Variants in RSRP1 observed in about 807,000 individuals in gnomAD.
RSRP1 encodes the protein arginine/serine-rich protein 1.
RSRP1 carries 37 observed loss-of-function variants against 33.0 expected under a neutral mutation model. The observed-to-expected ratio is 1.12, with a 90% CI of 0.86 to 1.48. RSRP1 has a LOEUF of 1.48. RSRP1 is among the 40% of genes most tolerant of loss of function. The probability of loss-of-function intolerance (pLI) is 0.00; values close to 1 mark genes in which losing one functional copy is unlikely to be tolerated. For synonymous variants in RSRP1, 167 were observed against 158.7 expected (o/e 1.05, Z -0.40); for missense variants, 402 against 385.3 (o/e 1.04, Z -0.36).
rs1477792146 is a variant in RSRP1, at chr1:25,301,110, G to A, written c.-67+36868C>T. ...CCATGCTGGGTAAGGACAAGGTGGGGTGAGTGGTCTCCTACTTGGGCTGAG... is the reference window on the plus strand; with the variant it reads ...CCATGCTGGGTAAGGACAAGGTGGGATGAGTGGTCTCCTACTTGGGCTGAG... On this transcript the variant is annotated intron_variant, in intron 1 of 1. Transcript: ENST00000561867. 2.2e-6 allele frequency: 3 copies of A among 1,374,436 alleles called. No homozygotes were observed. The East Asian group carries it at 6.7e-5, about 31-fold the overall frequency. 85.1% of individuals were successfully genotyped at this position (1,374,436 alleles called of 1,614,324 possible). A position where few individuals can be genotyped will look rare whatever the true frequency, so the allele number is the denominator to read the frequency against.
At chr1:25,284,272 G>T (rs1344731912) in intron 1 of RSRP1, among the ~76,000 whole-genome samples, 1 of 135,852 alleles carries the variant, frequency 7.4e-6, no homozygotes, top group Non-Finnish European at 1.8e-5. Flanking sequence ...CTTATTATTA[G>T]GTTTAATAAT....
At chr1:25,249,470 C>G (rs1639709058), upstream of RSRP1, among the ~76,000 whole-genome samples, 1 of 152,176 alleles carries the variant, frequency 6.6e-6, no homozygotes, top group Non-Finnish European at 1.5e-5. Flanking sequence ...TCCCGAGCAT[C>G]TGGGTTTACA....
intron 1 of RSRP1, chr1:25,321,922 C>T: frequency 7.5e-7 from 1 of 1,335,418 alleles, no homozygotes; most frequent in Non-Finnish European, 1.1e-6. Context: ...TGGAAAGCAC[C>T]TCATGAGGCT....
In RSRP1 at chr1:25,273,681, C is replaced by T. The variant is rs567339332; in HGVS notation, c.-66-26652G>A. Among the ~76,000 whole-genome samples the T allele has an allele frequency of 2.7e-3, 320 of 118,522 alleles. 38 individuals carry two copies. Among genetic ancestry groups the T allele is most frequent in the African/African-American group, 6.6e-3 (230 of 35,092 alleles). 77.8% of individuals were successfully genotyped at this position (118,522 alleles called of 152,430 possible). On this transcript the variant is annotated intron_variant, in intron 1 of 1. Coordinates refer to the RSRP1 transcript ENST00000561867. ...GACAACTGTAAATAAGACAGATGTC[C>T]ACAATGGTGTGACTTTGCTTTTTTA... is the stretch of plus-strand genomic sequence containing the variant.
intron 1 of RSRP1, among the ~76,000 whole-genome samples, chr1:25,262,829 T>C (rs986105520): frequency 3.6e-4 from 55 of 152,300 alleles, no homozygotes; most frequent in African/African-American, 1.3e-3. Context: ...CGTTTTTGTT[T>C]CAAGCCACCT....
In RSRP1 at chr1:25,299,098, C is replaced by T. The variant is rs112387058; in HGVS notation, c.-67+38880G>A. ...AAAAAAAAAAAAAAAAAAAAAAAAACAGGCTGGGAGCAGTGGCTCATGCCT... is the reference window on the plus strand; with the variant it reads ...AAAAAAAAAAAAAAAAAAAAAAAAATAGGCTGGGAGCAGTGGCTCATGCCT... On this transcript the variant is annotated intron_variant, in intron 1 of 1. Transcript: ENST00000561867. Among the ~76,000 whole-genome samples the T allele has an allele frequency of 8.6e-5, 7 of 81,210 alleles. 1 individual carries two copies. Among genetic ancestry groups the T allele is most frequent in the African/African-American group, 1.7e-4 (4 of 23,922 alleles). The allele number at this position is 81,210 out of a possible 152,430, so 53.3% of individuals were successfully genotyped here.
At chr1:25,249,860 C>T (rs1029195297), upstream of RSRP1, among the ~76,000 whole-genome samples, 3 of 152,084 alleles carry the variant, frequency 2.0e-5, no homozygotes, top group Admixed American at 6.6e-5. Flanking sequence ...CATCTAGCAC[C>T]GAATTTGTAG....
chr1:25,312,957 T>TAAAAAAAAAA (rs1491188755), intron 1 of RSRP1, among the ~76,000 whole-genome samples: 6 of 24,426 alleles, frequency 2.5e-4, no homozygotes, highest in Admixed American at 5.3e-4. Flanking sequence ...AAAAAAAAAC[T>TAAAAAAAAAA]TTAGTGCTAT....
rs1392575572 is a variant in RSRP1 at position 25,310,778 on chromosome 1, C to G, written c.-67+27200G>C. Among the ~76,000 whole-genome samples, 4 of 131,970 alleles carry G rather than the reference C, an allele frequency of 3.0e-5. 1 individual carries two copies. The highest frequency in any genetic ancestry group is 7.2e-5 in the Non-Finnish European group (4 of 55,602). The allele number at this position is 131,970 out of a possible 152,430, so 86.6% of individuals were successfully genotyped here. A position where few individuals can be genotyped will look rare whatever the true frequency, so the allele number is the denominator to read the frequency against. ...CCTGAGGTCAGGAGTTCGAGACCAG[C>G]CTAGCTAACATGGTGAAACGCTGTT... On this transcript the variant is annotated intron_variant, in intron 1 of 1. Coordinates refer to the RSRP1 transcript ENST00000561867.
chr1:25,245,333 T>C, intron 2 of RSRP1, 32 bp from the exon 3 acceptor site: 1 of 1,581,172 alleles, frequency 6.3e-7, no homozygotes, highest in Non-Finnish European at 8.6e-7. Context: ...TTTAAAATAC[T>C]CATTAATCTG....
intron 1 of RSRP1, among the ~76,000 whole-genome samples, chr1:25,292,362 C>T (rs1642582441): frequency 1.5e-5 from 2 of 132,350 alleles, no homozygotes; most frequent in Admixed American, 1.5e-4. Context: ...CAGGTGGAGA[C>T]CAGAGCGGCA....
chr1:25,246,558 C>G lies in RSRP1; in HGVS notation c.406G>C (p.Gly136Arg). ...YCGRAYAIAR[G>R]QRYYGFGRTV... is the part of the protein sequence containing the mutation. ...CGACCAAAGCCGTAGTAGCGCTGTC[C>G]CCGCGCGATCGCGTACGCCCTTCCG... The change falls in exon 2 of 5, where the codon GGA becomes CGA. Residue 136 changes from glycine to arginine, a missense_variant. Physicochemically the swap from Gly to Arg is moderately radical, Grantham distance 125 (BLOSUM62 -2). Coordinates refer to ENST00000243189, the MANE Select transcript of RSRP1 (RefSeq NM_020317.5). The G allele has an allele frequency of 6.2e-7, 1 of 1,614,244 alleles. No homozygotes were observed. The highest frequency in any genetic ancestry group is 1.1e-5 in the South Asian group (1 of 91,090).
In RSRP1 at chr1:25,246,650, T is replaced by C. The variant is rs779551051; in HGVS notation, c.314A>G (p.Tyr105Cys). The change falls in exon 2 of 5, where the codon TAC becomes TGC. Residue 105 changes from tyrosine (Y) to cysteine (C), a missense_variant. Physicochemically the swap from Tyr to Cys is radical, Grantham distance 194 (BLOSUM62 -2). Coordinates refer to ENST00000243189, the MANE Select transcript of RSRP1 (RefSeq NM_020317.5). ...ERRYGFTRRY[Y>C]RSPSRYRSRS... ...GGACCGGTACCGCGAAGGAGACCGG[T>C]AGTATCTCCTGGTGAACCCGTAGCG... 2 of 1,613,852 alleles carry C rather than the reference T, an allele frequency of 1.2e-6. No homozygotes were observed. The highest frequency in any genetic ancestry group is 1.7e-6 in the Non-Finnish European group (2 of 1,179,960).
rs558745561 is a variant in RSRP1 at position 25,297,964 on chromosome 1, T to C, written c.-67+40014A>G. On this transcript the variant is annotated intron_variant, in intron 1 of 1. Coordinates refer to the RSRP1 transcript ENST00000561867. ...GTCTGTGCTCTCCATCTTTTGGCTC[T>C]TATTCTCTCCGTACATCTAACATCT... Among the ~76,000 whole-genome samples the C allele has an allele frequency of 1.1e-3, 140 of 131,488 alleles. 25 individuals are homozygous for C. The highest frequency in any genetic ancestry group is 3.4e-3 in the African/African-American group (132 of 38,332). The allele number at this position is 131,488 out of a possible 152,430, so 86.3% of individuals were successfully genotyped here.
At chr1:25,321,229 A>G (rs1233340981) in intron 1 of RSRP1, among the ~76,000 whole-genome samples, 26 of 128,314 alleles carry the variant, frequency 2.0e-4, no homozygotes, top group African/African-American at 6.6e-4. Context: ...CCTCCATAGT[A>G]GCCCATATGT....
rs1388416089 is a variant in RSRP1 at position 25,320,271 on chromosome 1, C to A, written c.-67+17707G>T. Reference sequence around the variant, plus strand: ...GAGAGATTAGAACAACAACCCTCCACAGCTACACACCTTTTCCACGTTATA... The same window carrying A: ...GAGAGATTAGAACAACAACCCTCCAAAGCTACACACCTTTTCCACGTTATA... On this transcript the variant is annotated intron_variant, in intron 1 of 1. Transcript: ENST00000561867. Among the ~76,000 whole-genome samples the A allele has an allele frequency of 4.5e-5, 6 of 132,250 alleles. 1 individual carries two copies. Among genetic ancestry groups the A allele is most frequent in the African/African-American group, 1.3e-4 (5 of 38,934 alleles). The allele number at this position is 132,250 out of a possible 152,430, so 86.8% of individuals were successfully genotyped here.
rs570664230 is a variant in RSRP1 at position 25,299,875 on chromosome 1, A to G, written c.-67+38103T>C. Among the ~76,000 whole-genome samples, 5 of 131,016 alleles carry G rather than the reference A, an allele frequency of 3.8e-5. 1 individual carries two copies. Among genetic ancestry groups the G allele is most frequent in the Non-Finnish European group, 9.0e-5 (5 of 55,634 alleles). 86.0% of individuals were successfully genotyped at this position (131,016 alleles called of 152,430 possible). A position where few individuals can be genotyped will look rare whatever the true frequency, so the allele number is the denominator to read the frequency against. On this transcript the variant is annotated intron_variant, in intron 1 of 1. Coordinates refer to the RSRP1 transcript ENST00000561867. ...AGTGAATCTCCTGCATCAGCCTCCC[A>G]GGTAGATAGGATTACAAGCAAGCAT...
chr1:25,295,625 C>T (rs1642868206), intron 1 of RSRP1, among the ~76,000 whole-genome samples: 1 of 105,322 alleles, frequency 9.5e-6, no homozygotes, highest in African/African-American at 3.2e-5. Flanking sequence ...AAGAGACGAG[C>T]GGTCAAGGAG....
At position 25,309,978 on chromosome 1, in the gene RSRP1, T is replaced by TA. The variant is rs956074682; in HGVS notation, c.-67+27999dup. On this transcript the variant is annotated intron_variant, in intron 1 of 1. Coordinates refer to the RSRP1 transcript ENST00000561867. ...ATCCTCTATTCTGCCACTTATTACT[T>TA]AAAAAAACCCCAAAAAACCCAACTT... Among the ~76,000 whole-genome samples, 6 of 132,054 alleles carry TA rather than the reference T, an allele frequency of 4.5e-5. 1 individual carries two copies. The highest frequency in any genetic ancestry group is 9.0e-5 in the Non-Finnish European group (5 of 55,476). The allele number at this position is 132,054 out of a possible 152,430, so 86.6% of individuals were successfully genotyped here. A position where few individuals can be genotyped will look rare whatever the true frequency, so the allele number is the denominator to read the frequency against.
Sources: allele counts gnomAD v4.1 joint callset (sites outside exome capture counted in the v4.1 genomes callset), GRCh38; gene constraint gnomAD v4.1.1; transcripts MANE v1.5; gene names NCBI Gene and HGNC (gene_info 2026-07-23, HGNC 2026-07-21).